CFAP52: variants seen among roughly 807,000 people sequenced by gnomAD.
The protein encoded by CFAP52 is cilia and flagella associated protein 52, also known as cilia- and flagella-associated protein 52.
Under a neutral mutation model 70.5 loss-of-function variants are expected in CFAP52, and 57 were observed. That is an observed-to-expected ratio of 0.81 (90% CI 0.65 to 1.01). The LOEUF is 1.01. Ranked by LOEUF, CFAP52 falls within the 50% of genes least tolerant of loss-of-function variation. The pLI, the probability that CFAP52 is intolerant of heterozygous loss-of-function variation, is 0.00. For missense variants in CFAP52, 785 were observed against 788.5 expected (o/e 1.00, Z 0.05); for synonymous variants, 267 against 292.5 (o/e 0.91, Z 0.89).
At chr17:9,612,648 A>G (rs181222295) in intron 8 of CFAP52, among the ~76,000 whole-genome samples, 169 bp downstream of exon 8, 7 of 152,300 alleles carry the variant, frequency 4.6e-5, no homozygotes, top group Admixed American at 2.6e-4. Context: ...TTGCCATGCA[A>G]TTATATTAGC....
chr17:9,607,481 G>T (rs1909539181), intron 6 of CFAP52, among the ~76,000 whole-genome samples: 1 of 152,134 alleles, frequency 6.6e-6, no homozygotes, highest in South Asian at 2.1e-4. Flanking sequence ...AGAGAATGGT[G>T]GGGGGCACCC....
At chr17:9,584,599 T>TTCAAATATAC (rs61233470) in intron 1 of CFAP52, among the ~76,000 whole-genome samples, 115,786 of 151,694 alleles carry the variant, frequency 0.76, 45,123 homozygotes, top group East Asian at 0.99. Flanking sequence ...TTTAGCAGAT[T>TTCAAATATAC]AATGCAGTAT....
chr17:9,601,083 TA>T (rs1268075613), intron 6 of CFAP52, among the ~76,000 whole-genome samples: 8 of 151,800 alleles, frequency 5.3e-5, no homozygotes, highest in African/African-American at 1.9e-4. Flanking sequence ...TATGCAGCCA[TA>T]AAAAAGGATG....
At chr17:9,605,906 G>A (rs1434644088) in intron 6 of CFAP52, among the ~76,000 whole-genome samples, 1 of 152,054 alleles carries the variant, frequency 6.6e-6, no homozygotes, top group African/African-American at 2.4e-5. Flanking sequence ...TGGATTTTGG[G>A]TGATAATGAT....
intron 8 of CFAP52, among the ~76,000 whole-genome samples, chr17:9,626,623 A>G (rs1567633082): frequency 6.6e-6 from 1 of 152,212 alleles, no homozygotes; most frequent in Non-Finnish European, 1.5e-5. Context: ...CCCTCAGAGG[A>G]GGAGCTCATT....
chr17:9,616,046 G>A (rs1239856049), intron 8 of CFAP52, among the ~76,000 whole-genome samples: 7 of 151,092 alleles, frequency 4.6e-5, no homozygotes, highest in Admixed American at 4.6e-4. Context: ...CAGCGTGAGC[G>A]ACGCAGAAGA....
chr17:9,605,451 C>T (rs1909444256), intron 6 of CFAP52, among the ~76,000 whole-genome samples: 3 of 152,006 alleles, frequency 2.0e-5, no homozygotes, highest in Admixed American at 2.0e-4. Context: ...GTGGCTGACA[C>T]CACTAATCCC....
rs1909111542 is a variant in CFAP52 at position 9,598,328 on chromosome 17, A to G, written c.631A>G (p.Ile211Val). 1.2e-6 allele frequency: 2 copies of G among 1,609,464 alleles called. No homozygotes were observed. The highest frequency in any genetic ancestry group is 1.7e-4 in the Middle Eastern group (1 of 6,052). Residue 211 changes from isoleucine to valine, a missense_variant, in exon 5 of 14, where the codon ATT (isoleucine) becomes GTT (valine). Transcript: ENST00000352665. ...ACAGTTGAAAAGAATAGTCATGAGT[A>G]TTGGAGTAAGTATTAATTTAAGTAT... ...TGQLKRIVMS[I>V]GVDDDDSFFY...
chr17:9,628,621 T>G, intron 8 of CFAP52, 51 bp from the exon 9 acceptor site: 1 of 1,592,126 alleles, frequency 6.3e-7, no homozygotes, highest in Non-Finnish European at 8.6e-7. Context: ...CAAATATGCA[T>G]CTGGGAAACT....
intron 4 of CFAP52, 46 bp downstream of exon 4, chr17:9,594,367 T>C: frequency 6.3e-7 from 1 of 1,590,412 alleles, no homozygotes; most frequent in Admixed American, 1.7e-5. Context: ...AATTGCTATA[T>C]TTTCTTGCAC....
chr17:9,635,651 A>G, intron 11 of CFAP52, 95 bp downstream of exon 11: 2 of 1,514,372 alleles, frequency 1.3e-6, no homozygotes, highest in South Asian at 1.2e-5. Context: ...CATGGAGGGT[A>G]GAAATCTTAT....
At chr17:9,591,061 G>A (rs1033317329) in intron 3 of CFAP52, among the ~76,000 whole-genome samples, 2 of 114,766 alleles carry the variant, frequency 1.7e-5, no homozygotes, top group African/African-American at 6.8e-5. Context: ...TTTTGAGATG[G>A]AGTTTCACTC....
intron 8 of CFAP52, among the ~76,000 whole-genome samples, chr17:9,615,234 A>G (rs1409708309): frequency 6.6e-6 from 1 of 152,238 alleles, no homozygotes; most frequent in South Asian, 2.1e-4. Context: ...TTATACTGAG[A>G]TTAAATCATG....
intron 3 of CFAP52, chr17:9,590,536 A>C (rs1908699046): frequency 6.5e-6 from 1 of 153,420 alleles, no homozygotes; most frequent in Admixed American, 6.5e-5. Context: ...CGTTCAACTT[A>C]AAGCAGTTAT....
At position 9,586,665 on chromosome 17, in the gene CFAP52, C is replaced by T. The variant is rs772740645; in HGVS notation, c.271-33C>T. The T allele has an allele frequency of 7.0e-6, 11 of 1,578,368 alleles. No individual in the cohort carries two copies. In the Middle Eastern group the frequency reaches 1.2e-3, roughly 170 times the overall value. On this transcript the variant is annotated intron_variant, in intron 2 of 13. Coordinates refer to ENST00000352665, the MANE Select transcript of CFAP52 (RefSeq NM_145054.5). ...ATCTCCTCAGATGCTTTTAATGCCTCCCTATGATCTGACGGTGTGTTCTTG... is the reference window on the plus strand; with the variant it reads ...ATCTCCTCAGATGCTTTTAATGCCTTCCTATGATCTGACGGTGTGTTCTTG...
intron 6 of CFAP52, among the ~76,000 whole-genome samples, chr17:9,605,010 C>G (rs561285328): frequency 6.6e-6 from 1 of 152,066 alleles, no homozygotes. Context: ...CAAAATAGTA[C>G]GGCCACTTTG....
intron 3 of CFAP52, among the ~76,000 whole-genome samples, chr17:9,588,134 T>A (rs1295021803): frequency 6.6e-6 from 1 of 152,198 alleles, no homozygotes; most frequent in African/African-American, 2.4e-5. Flanking sequence ...GATGTTTACA[T>A]CCTGCGTGAC....
At chr17:9,590,357 C>A in intron 3 of CFAP52, 1 of 189,236 alleles carries the variant, frequency 5.3e-6, no homozygotes, top group Non-Finnish European at 1.1e-5. Flanking sequence ...TGATCAGCTT[C>A]CAGATCTGCT....
chr17:9,613,976 T>C (rs78261387), intron 8 of CFAP52, among the ~76,000 whole-genome samples: 1,979 of 152,026 alleles, frequency 0.013, 19 homozygotes, highest in Non-Finnish European at 0.023. Context: ...GGTCTCACTT[T>C]TTCCCCTCTT....
Sources: gnomAD v4.1 joint callset for allele counts (sites outside exome capture counted in the v4.1 genomes callset) on GRCh38, gnomAD v4.1.1 for gene constraint, MANE v1.5 for transcripts, NCBI Gene and HGNC (gene_info 2026-07-23, HGNC 2026-07-21) for gene names.